Variants in ANK1 observed in about 807,000 individuals in gnomAD.
ANK1 encodes the protein ankyrin 1, also known as ankyrin-1.
In ANK1, 51 loss-of-function variants were observed where a neutral mutation model predicts 210.4. That is an observed-to-expected ratio of 0.24 (90% CI 0.19 to 0.31). ANK1 has a LOEUF of 0.31. Ranked by LOEUF, ANK1 falls within the 10% of genes least tolerant of loss-of-function variation. The pLI is 1.00. For missense variants in ANK1, 2,051 were observed against 2,504.4 expected (o/e 0.82, Z 3.86); for synonymous variants, 967 against 1,025.9 (o/e 0.94, Z 1.10).
At chr8:41,826,228 T>C (rs1312514340) in intron 1 of ANK1, among the ~76,000 whole-genome samples, 1 of 152,182 alleles carries the variant, frequency 6.6e-6, no homozygotes, top group Non-Finnish European at 1.5e-5. Context: ...CCTATTTTTC[T>C]AGAAAAGGCT....
chr8:41,816,813 A>G (rs934107925), intron 1 of ANK1, among the ~76,000 whole-genome samples: 1 of 152,212 alleles, frequency 6.6e-6, no homozygotes, highest in Non-Finnish European at 1.5e-5. Flanking sequence ...TGAGAGAACA[A>G]TTTTTATAAA....
intron 2 of ANK1, among the ~76,000 whole-genome samples, chr8:41,751,706 G>A (rs1246695151): frequency 3.9e-5 from 6 of 151,956 alleles, no homozygotes; most frequent in East Asian, 3.9e-4. Flanking sequence ...AAGCCACCCC[G>A]GGGTCCCACC....
At chr8:41,780,754 G>A (rs1845133860) in intron 1 of ANK1, among the ~76,000 whole-genome samples, 3 of 152,236 alleles carry the variant, frequency 2.0e-5, no homozygotes, top group African/African-American at 7.2e-5. Flanking sequence ...GTGCACGAGT[G>A]TGTGCATGTA....
At chr8:41,758,173 G>A (rs755419240) in intron 1 of ANK1, 36 bp from the exon 2 acceptor site, 1 of 1,581,986 alleles carries the variant, frequency 6.3e-7, no homozygotes, top group Non-Finnish European at 8.7e-7. Context: ...AGTGTCCTGG[G>A]TGTATTAATG....
At position 41,758,120 on chromosome 8, in the gene ANK1, G is replaced by A. The variant is rs1458203692; in HGVS notation, c.45C>T (p.Ser15=). Residue 15 remains serine (S), a synonymous_variant, in exon 2 of 43, where the codon AGC becomes AGT. Transcript: ENST00000289734. Reference sequence around the variant, plus strand: ...TACCTGATCTTGCTGCTCTCAGAAAGCTGGTAGCAGCATCGGCCTGTGAGG... The same window carrying A: ...TACCTGATCTTGCTGCTCTCAGAAAACTGGTAGCAGCATCGGCCTGTGAGG... The part of the protein sequence containing the change: ...VGFREADAAT[S]FLRAARSGNL... 6.2e-7 allele frequency: 1 copy of A among 1,613,904 alleles called. No homozygotes were observed. The highest frequency in any genetic ancestry group is 2.2e-5 in the East Asian group (1 of 44,886).
At chr8:41,764,367 A>G (rs983374523) in intron 1 of ANK1, among the ~76,000 whole-genome samples, 4 of 152,148 alleles carry the variant, frequency 2.6e-5, no homozygotes, top group African/African-American at 4.8e-5. Context: ...CATCCAGCAA[A>G]TGCAACAGGG....
intron 1 of ANK1, among the ~76,000 whole-genome samples, chr8:41,854,022 T>C (rs545783382): frequency 6.6e-6 from 1 of 152,378 alleles, no homozygotes; most frequent in East Asian, 1.9e-4. Context: ...ACTGAAATGC[T>C]TCTCCTTATC....
chr8:41,875,260 C>T (rs1240786496), intron 1 of ANK1, among the ~76,000 whole-genome samples: 1 of 152,202 alleles, frequency 6.6e-6, no homozygotes, highest in African/African-American at 2.4e-5. Context: ...TTCTTGGCAC[C>T]GGGAGCCAGC....
intron 1 of ANK1, among the ~76,000 whole-genome samples, chr8:41,765,129 CTCTCTCTT>C (rs911290762): frequency 2.7e-5 from 4 of 150,862 alleles, no homozygotes; most frequent in Admixed American, 6.6e-5. Flanking sequence ...CTTTTTCTCT[CTCTCTCTT>C]TCTCTCTTTC....
intron 1 of ANK1, among the ~76,000 whole-genome samples, chr8:41,802,778 C>T (rs1411880745): frequency 6.6e-6 from 1 of 151,540 alleles, no homozygotes; most frequent in Non-Finnish European, 1.5e-5. Flanking sequence ...GGTGTGGTGG[C>T]TTGCATCTGT....
chr8:41,731,313 C>T (rs1386925022), intron 3 of ANK1, among the ~76,000 whole-genome samples: 1 of 152,174 alleles, frequency 6.6e-6, no homozygotes, highest in African/African-American at 2.4e-5. Context: ...TTTTCAGGGG[C>T]TCACAGAGCT....
upstream of ANK1, among the ~76,000 whole-genome samples, chr8:41,800,313 C>T (rs1298363292): frequency 6.6e-6 from 1 of 152,152 alleles, no homozygotes; most frequent in Admixed American, 6.5e-5. Flanking sequence ...AATTCACTCT[C>T]GTCAGATCCA....
intron 16 of ANK1, among the ~76,000 whole-genome samples, chr8:41,713,610 G>T (rs1046744349): frequency 6.6e-6 from 1 of 152,238 alleles, no homozygotes; most frequent in African/African-American, 2.4e-5. Context: ...AATGAATTTG[G>T]AGATGATCAT....
intron 2 of ANK1, among the ~76,000 whole-genome samples, chr8:41,742,051 G>T (rs1188539425): frequency 6.6e-6 from 1 of 152,226 alleles, no homozygotes; most frequent in Non-Finnish European, 1.5e-5. Context: ...CGGGGAAGGA[G>T]ACCTCAGCTA....
chr8:41,701,692 T>A (rs1822845352), intron 21 of ANK1, 70 bp from the exon 22 acceptor site: 4 of 1,465,882 alleles, frequency 2.7e-6, no homozygotes, highest in East Asian at 4.5e-5. Flanking sequence ...GCCCAGCGGT[T>A]CCCTGGTCAT....
At position 41,715,729 on chromosome 8, in the gene ANK1, T is replaced by A. The variant is rs992317457; in HGVS notation, c.1525A>T (p.Ile509Phe). The A allele has an allele frequency of 6.2e-6, 10 of 1,614,108 alleles. No individual in the cohort carries two copies. The highest frequency in any genetic ancestry group is 1.3e-5 in the African/African-American group (1 of 75,042). Reference sequence around the variant, plus strand: ...TCCACATGGCCCTCACGGGCTGCAATGTGCAGGGGGGTGTGCCCGGCGGTG... The same window carrying A: ...TCCACATGGCCCTCACGGGCTGCAAAGTGCAGGGGGGTGTGCCCGGCGGTG... ...ATTAGHTPLH[I>F]AAREGHVETV... The change falls in exon 14 of 43, where the codon ATT (isoleucine) becomes TTT (phenylalanine). Residue 509 changes from isoleucine to phenylalanine, a missense_variant. Around this residue, in one of 6 missense-constraint regions of ANK1, gnomAD observed 1,413 missense variants for 1,707.4 expected, o/e 0.83. Coordinates refer to ENST00000289734, the MANE Select transcript of ANK1 (RefSeq NM_000037.4).
chr8:41,720,582 G>C (rs1351569073), intron 9 of ANK1, among the ~76,000 whole-genome samples: 1 of 152,172 alleles, frequency 6.6e-6, no homozygotes, highest in Non-Finnish European at 1.5e-5. Context: ...TGGGGAAACA[G>C]AAGAGAACAG....
In ANK1 at chr8:41,723,100, C is replaced by T. The variant is rs761499762; in HGVS notation, c.909+25G>A. ...GACCTGGAGCCCTGTCTAGAAAATGCGCCTGACAGGAAGGAAGTACACACC... is the reference window on the plus strand; with the variant it reads ...GACCTGGAGCCCTGTCTAGAAAATGTGCCTGACAGGAAGGAAGTACACACC... On this transcript the variant is annotated intron_variant, in intron 9 of 42. Transcript: ENST00000289734. The T allele has an allele frequency of 5.0e-6, 8 of 1,608,618 alleles. No homozygotes were observed. In the South Asian group the frequency reaches 5.5e-5, roughly 11 times the overall value.
intron 1 of ANK1, among the ~76,000 whole-genome samples, chr8:41,811,186 C>G (rs1802430935): frequency 6.6e-6 from 1 of 152,174 alleles, no homozygotes; most frequent in African/African-American, 2.4e-5. Flanking sequence ...AAAGCTCAAG[C>G]CGCTACCATA....
Sources: gnomAD v4.1 joint callset for allele counts (sites outside exome capture counted in the v4.1 genomes callset) on GRCh38, gnomAD v4.1.1 for gene constraint, gnomAD v4.1.1 regional missense constraint, MANE v1.5 for transcripts, NCBI Gene and HGNC (gene_info 2026-07-23, HGNC 2026-07-21) for gene names.